Variants in INPP5F observed in about 807,000 individuals in gnomAD.
INPP5F encodes phosphatidylinositide 4-phosphatase SAC2.
In INPP5F, 97 loss-of-function variants were observed where a neutral mutation model predicts 137.2. The observed-to-expected ratio is 0.71, with a 90% CI of 0.60 to 0.84. The LOEUF (loss-of-function observed/expected upper bound fraction) is 0.84, where lower values mean the gene tolerates loss of function less well. INPP5F is among the 40% of genes least tolerant of loss of function. INPP5F has a pLI of 0.00. For synonymous variants in INPP5F, 504 were observed against 476.9 expected (o/e 1.06, Z -0.74); for missense variants, 1,271 against 1,371.9 (o/e 0.93, Z 1.16).
At chr10:119,765,896 G>A (rs1450450374) in intron 2 of INPP5F, among the ~76,000 whole-genome samples, 13 of 138,962 alleles carry the variant, frequency 9.4e-5, no homozygotes, top group Admixed American at 2.2e-4. Context: ...GAGAGAGAGA[G>A]AGACGGAGAT....
At chr10:119,767,977 G>T (rs1041299620) in intron 2 of INPP5F, among the ~76,000 whole-genome samples, 1 of 151,980 alleles carries the variant, frequency 6.6e-6, no homozygotes, top group Non-Finnish European at 1.5e-5. Flanking sequence ...GAGTATTCCT[G>T]TTGGCAATGT....
At chr10:119,820,658 T>G (rs997969720) in intron 15 of INPP5F, among the ~76,000 whole-genome samples, 188 bp from the exon 16 acceptor site, 2 of 152,210 alleles carry the variant, frequency 1.3e-5, no homozygotes, top group Admixed American at 1.3e-4. Context: ...CTTTTCCTTG[T>G]TTTTTAAAGA....
At chr10:119,769,068 C>T (rs1003888878) in intron 2 of INPP5F, among the ~76,000 whole-genome samples, 2 of 152,090 alleles carry the variant, frequency 1.3e-5, no homozygotes, top group Non-Finnish European at 2.9e-5. Flanking sequence ...TCAAAGAGAA[C>T]TTCAGTTTTA....
At chr10:119,780,519 A>G (rs1204192258) in intron 2 of INPP5F, among the ~76,000 whole-genome samples, 2 of 152,188 alleles carry the variant, frequency 1.3e-5, no homozygotes, top group Non-Finnish European at 2.9e-5. Context: ...AGAGGCTGCC[A>G]TGAGCTGAGA....
chr10:119,768,562 A>C (rs1377635838), intron 2 of INPP5F: 4 of 152,216 alleles, frequency 2.6e-5, no homozygotes, highest in African/African-American at 9.7e-5. Context: ...GAGAAAGAAA[A>C]GGAAAAAAAT....
chr10:119,791,638 AAAAG>A lies in INPP5F; in HGVS notation c.442_444+1del, dbSNP rs1850149215. ...AAATCCAATGTGTCTGCTCCTAATAAAAAGAAAGTAAGAGTTTAATTGATATAGG... is the reference window on the plus strand; with the variant it reads ...AAATCCAATGTGTCTGCTCCTAATAAAAAGTAAGAGTTTAATTGATATAGG... On this transcript the variant is annotated frameshift_variant, in exon 4 of 20. Coordinates refer to ENST00000650623, the MANE Select transcript of INPP5F (RefSeq NM_014937.4). LOFTEE classifies it high-confidence loss of function. The A allele has an allele frequency of 1.9e-6, 3 of 1,601,688 alleles. No homozygotes were observed. The highest frequency in any genetic ancestry group is 1.7e-5 in the Admixed American group (1 of 59,490).
At chr10:119,747,070 T>A (rs1848556988) in intron 1 of INPP5F, among the ~76,000 whole-genome samples, 2 of 152,126 alleles carry the variant, frequency 1.3e-5, no homozygotes. Context: ...ATTATAGGCA[T>A]GAGCCACCAT....
intron 2 of INPP5F, among the ~76,000 whole-genome samples, chr10:119,770,002 T>C (rs1391011216): frequency 6.6e-6 from 1 of 152,156 alleles, no homozygotes; most frequent in Non-Finnish European, 1.5e-5. Flanking sequence ...TATGAAAATC[T>C]TTATCCTACA....
At chr10:119,819,037 T>C (rs1851423721) in intron 15 of INPP5F, 1 of 152,826 alleles carries the variant, frequency 6.5e-6, no homozygotes, top group Non-Finnish European at 1.5e-5. Context: ...ATGCGACCAT[T>C]GTTGCAGTGG....
Position 119,791,535 on chromosome 10 carries a change from T to C in INPP5F, c.334T>C (p.Phe112Leu). 1 of 1,602,118 alleles carries C rather than the reference T, an allele frequency of 6.2e-7. No homozygotes were observed. The highest frequency in any genetic ancestry group is 8.5e-7 in the Non-Finnish European group (1 of 1,171,020). The change falls in exon 4 of 20, where the codon TTT (phenylalanine) becomes CTT (leucine). Residue 112 changes from phenylalanine (F) to leucine (L), a missense_variant. Coordinates refer to ENST00000650623, the MANE Select transcript of INPP5F (RefSeq NM_014937.4). ...TATTTAGCTCTGTAAGAAGCATCAT[T>C]TTGGTATTAACAAACCAGAGAAGAT... ...LELELCKKHH[F>L]GINKPEKIIP...
intron 2 of INPP5F, among the ~76,000 whole-genome samples, chr10:119,762,942 C>T (rs571180622): frequency 7.9e-5 from 12 of 152,222 alleles, no homozygotes; most frequent in African/African-American, 2.4e-4. Flanking sequence ...GTAAAAAATC[C>T]GAAGTCTCGT....
Position 119,797,654 on chromosome 10 carries a change from T to C in INPP5F, c.1048+14T>C. The C allele has an allele frequency of 6.4e-7, 1 of 1,572,996 alleles. No individual in the cohort carries two copies. Among genetic ancestry groups the C allele is most frequent in the Non-Finnish European group, 8.6e-7 (1 of 1,158,426 alleles). On this transcript the variant is annotated intron_variant, in intron 8 of 19. Transcript: ENST00000650623. ...GGCTGGACAGAAGTAAGCAGGTCAA[T>C]TATTGGGTTTGCAAATGATGATTTC...
chr10:119,819,471 A>G, intron 15 of INPP5F: 1 of 1,594,702 alleles, frequency 6.3e-7, no homozygotes, highest in Non-Finnish European at 8.5e-7. Context: ...AGTAGAATTT[A>G]TTTCATATTA....
At chr10:119,815,606 G>T (rs889431955) in intron 15 of INPP5F, 31 of 274,892 alleles carry the variant, frequency 1.1e-4, no homozygotes, top group Admixed American at 1.1e-3. Context: ...GGTTCTGTCT[G>T]TTGGCTCTTC....
At chr10:119,773,585 C>T (rs1413636506) in intron 2 of INPP5F, among the ~76,000 whole-genome samples, 1 of 152,192 alleles carries the variant, frequency 6.6e-6, no homozygotes, top group Non-Finnish European at 1.5e-5. Flanking sequence ...TCTTTATCAT[C>T]ATTTATGAGA....
intron 15 of INPP5F, chr10:119,819,218 C>CT (rs869037124): frequency 0.062 from 1,757 of 28,506 alleles, 61 homozygotes; most frequent in Non-Finnish European, 0.067. Flanking sequence ...ATTGAACGTG[C>CT]TTTTTTTTTT....
intron 2 of INPP5F, among the ~76,000 whole-genome samples, chr10:119,777,087 TG>T (rs1431018489): frequency 2.6e-5 from 4 of 152,070 alleles, no homozygotes; most frequent in African/African-American, 9.7e-5. Flanking sequence ...AAAGGGCTGG[TG>T]CCTTGCTGTG....
intron 10 of INPP5F, among the ~76,000 whole-genome samples, chr10:119,804,682 C>T (rs186238096): frequency 2.6e-5 from 4 of 151,336 alleles, no homozygotes; most frequent in Admixed American, 6.6e-5. Context: ...ACTTCTTTCT[C>T]GATGGGTAAA....
intron 3 of INPP5F, among the ~76,000 whole-genome samples, chr10:119,786,018 T>A (rs1849900008): frequency 6.6e-6 from 1 of 152,258 alleles, no homozygotes; most frequent in African/African-American, 2.4e-5. Flanking sequence ...TCTCATTGCC[T>A]TAATGGATAA....
Sources: allele counts gnomAD v4.1 joint callset (sites outside exome capture counted in the v4.1 genomes callset), GRCh38; gene constraint gnomAD v4.1.1; transcripts MANE v1.5; gene names NCBI Gene and HGNC (gene_info 2026-07-23, HGNC 2026-07-21).